Variants in ERCC6L observed in about 807,000 individuals in gnomAD.
ERCC6L encodes the protein ERCC excision repair 6 like, spindle assembly checkpoint helicase, also known as DNA excision repair protein ERCC-6-like.
In ERCC6L, 7 loss-of-function variants were observed where a neutral mutation model predicts 20.1. The observed-to-expected ratio is 0.35, with a 90% CI of 0.20 to 0.65. The LOEUF (loss-of-function observed/expected upper bound fraction) is 0.65. ERCC6L is among the 30% of genes least tolerant of loss of function. The pLI is 0.69. For synonymous variants in ERCC6L, 278 were observed against 331.3 expected (o/e 0.84, Z 1.75); for missense variants, 592 against 892.4 (o/e 0.66, Z 4.29).
chrX:72,228,102 G>A (rs748015772), intron 1 of ERCC6L, among the ~76,000 whole-genome samples: 20 of 111,889 alleles, frequency 1.8e-4, no homozygotes, highest in African/African-American at 5.2e-4. Context: ...CTAGCCAATC[G>A]GGACAAATAC....
intron 1 of ERCC6L, among the ~76,000 whole-genome samples, chrX:72,233,721 C>CAAAAAAAAAAAA (rs35310682): frequency 3.3e-5 from 3 of 89,703 alleles, no homozygotes; most frequent in Non-Finnish European, 2.1e-5. Flanking sequence ...GACTCCGTCT[C>CAAAAAAAAAAAA]AAAAAAAAAA....
At chrX:72,230,140 A>C (rs193051153) in intron 1 of ERCC6L, among the ~76,000 whole-genome samples, 131 of 109,389 alleles carry the variant, frequency 1.2e-3, no homozygotes, top group Non-Finnish European at 2.0e-3. Context: ...GCGCCACTGC[A>C]CTCTGCTCTG....
In ERCC6L at chrX:72,205,860, A is replaced by G; in HGVS notation, c.2907T>C (p.Ser969=). Residue 969 remains serine (S), a synonymous_variant, in exon 2 of 2, where the codon AGT becomes AGC. Coordinates refer to ENST00000334463, the MANE Select transcript of ERCC6L (RefSeq NM_017669.4). ...DSADNRQNFS[S]QSLEHVEKEN... ...CTTTCTCAACATGCTCTAAAGACTG[A>G]CTGGAAAAATTTTGTCTGTTGTCTG... 8.3e-7 allele frequency: 1 copy of G among 1,211,706 alleles called. No individual in the cohort carries two copies. Among genetic ancestry groups the G allele is most frequent in the Non-Finnish European group, 1.1e-6 (1 of 895,481 alleles).
At chrX:72,218,602 T>A (rs1426161405) in intron 1 of ERCC6L, among the ~76,000 whole-genome samples, 1 of 109,242 alleles carries the variant, frequency 9.2e-6, no homozygotes. Flanking sequence ...CAAGCGACTG[T>A]CCTGCCTCAA....
intron 1 of ERCC6L, among the ~76,000 whole-genome samples, chrX:72,224,719 T>A (rs2042944873): frequency 9.0e-6 from 1 of 111,457 alleles, no homozygotes; most frequent in South Asian, 3.7e-4. Context: ...TACTCCAGCC[T>A]GGGCAACAAG....
intron 1 of ERCC6L, among the ~76,000 whole-genome samples, chrX:72,226,527 A>C (rs777871482): frequency 2.7e-4 from 30 of 112,365 alleles, no homozygotes; most frequent in Non-Finnish European, 5.3e-4. Context: ...GAGCGGGGCT[A>C]TGTCACGGCT....
chrX:72,209,978 T>G (rs2042843363), intron 1 of ERCC6L, among the ~76,000 whole-genome samples: 1 of 109,069 alleles, frequency 9.2e-6, no homozygotes, highest in Non-Finnish European at 1.9e-5. Context: ...CCTACAAAAC[T>G]TAGGAAAAAA....
intron 1 of ERCC6L, among the ~76,000 whole-genome samples, chrX:72,231,859 A>G: frequency 8.9e-6 from 1 of 111,994 alleles, no homozygotes; most frequent in Admixed American, 9.5e-5. Context: ...TCATTTCACA[A>G]TGTATACGTG....
intron 1 of ERCC6L, among the ~76,000 whole-genome samples, chrX:72,224,669 C>T (rs546098324): frequency 3.6e-5 from 4 of 111,098 alleles, no homozygotes; most frequent in South Asian, 3.8e-4. Context: ...TGCTTGAATC[C>T]GGGAGGTGGA....
chrX:72,216,950 A>C (rs935301523), intron 1 of ERCC6L, among the ~76,000 whole-genome samples: 3 of 112,389 alleles, frequency 2.7e-5, no homozygotes, highest in Non-Finnish European at 5.6e-5. Context: ...AATGCTCCCC[A>C]AAAATAATAA....
chrX:72,226,545 T>C (rs1213693741), intron 1 of ERCC6L, among the ~76,000 whole-genome samples: 1 of 112,264 alleles, frequency 8.9e-6, no homozygotes, highest in Non-Finnish European at 1.9e-5. Flanking sequence ...GCTAAGGGAT[T>C]TCCTATCATT....
chrX:72,227,428 G>A (rs747650821), intron 1 of ERCC6L, among the ~76,000 whole-genome samples: 10 of 111,838 alleles, frequency 8.9e-5, no homozygotes, highest in African/African-American at 3.2e-4. Context: ...CTTAAAGACT[G>A]GGTTACACTT....
chrX:72,216,967 T>C (rs962107458), intron 1 of ERCC6L, among the ~76,000 whole-genome samples: 8 of 112,493 alleles, frequency 7.1e-5, no homozygotes, highest in African/African-American at 2.6e-4. Flanking sequence ...ATAAAACTTC[T>C]TTCTGCTGAG....
Position 72,208,436 on chromosome X carries a change from A to G in ERCC6L, c.331T>C (p.Tyr111His), listed in dbSNP as rs746914949. ...ATACCACCTTTTCTTCCATCCCTATACAGGCTATAGAGGAAAGCTATGCCT... is the reference window on the plus strand; with the variant it reads ...ATACCACCTTTTCTTCCATCCCTATGCAGGCTATAGAGGAAAGCTATGCCT... ...KEGIAFLYSL[Y>H]RDGRKGGILA... The change falls in exon 2 of 2, where the codon TAT becomes CAT. Residue 111 changes from tyrosine to histidine, a missense_variant. By Grantham distance (83) the Tyr-to-His change is moderately conservative (BLOSUM62 2). Around this residue, in one of 3 missense-constraint regions of ERCC6L, gnomAD observed 196 missense variants for 440.1 expected, o/e 0.45. Transcript: ENST00000334463. 8.3e-7 allele frequency: 1 copy of G among 1,211,703 alleles called. No homozygotes were observed. Among genetic ancestry groups the G allele is most frequent in the Non-Finnish European group, 1.1e-6 (1 of 895,475 alleles).
Position 72,208,437 on chromosome X carries a change from C to T in ERCC6L, c.330G>A (p.Leu110=). Residue 110 remains leucine, a synonymous_variant, in exon 2 of 2, where the codon CTG becomes CTA. Transcript: ENST00000334463. ...QKEGIAFLYS[L]YRDGRKGGIL... The stretch of plus-strand genomic sequence containing the variant: ...TACCACCTTTTCTTCCATCCCTATA[C>T]AGGCTATAGAGGAAAGCTATGCCTT... The T allele has an allele frequency of 8.3e-7, 1 of 1,211,722 alleles. No homozygotes were observed. Among genetic ancestry groups the T allele is most frequent in the East Asian group, 3.0e-5 (1 of 33,838 alleles).
At chrX:72,216,226 A>G (rs999561996) in intron 1 of ERCC6L, among the ~76,000 whole-genome samples, 1 of 109,125 alleles carries the variant, frequency 9.2e-6, no homozygotes, top group African/African-American at 3.4e-5. Context: ...AGAATGCCAC[A>G]TGAAGATGGA....
chrX:72,227,319 T>C (rs1368808184), intron 1 of ERCC6L, among the ~76,000 whole-genome samples: 1 of 111,857 alleles, frequency 8.9e-6, no homozygotes, highest in Non-Finnish European at 1.9e-5. Context: ...ACATATCACC[T>C]GGAAGCTATA....
intron 1 of ERCC6L, among the ~76,000 whole-genome samples, chrX:72,218,180 G>C (rs1196641350): frequency 9.3e-6 from 1 of 108,039 alleles, no homozygotes; most frequent in Non-Finnish European, 1.9e-5. Context: ...TGAGGCAGGA[G>C]AATGGTGGGA....
rs1290427733 is a variant in ERCC6L at position 72,208,234 on chromosome X, C to T, written c.533G>A (p.Gly178Asp). The T allele has an allele frequency of 2.7e-5, 33 of 1,209,634 alleles. No homozygotes were observed. The highest frequency in any genetic ancestry group is 3.5e-5 in the Non-Finnish European group (31 of 895,112). ...TPGMRVKTFH[G>D]PSKDERTRNL... ...TCTGGTCCGTTCATCCTTGCTAGGA[C>T]CATGAAAGGTTTTGACTCTCATTCC... The change falls in exon 2 of 2, where the codon GGT becomes GAT. Residue 178 changes from glycine (G) to aspartate (D), a missense_variant. Coordinates refer to ENST00000334463, the MANE Select transcript of ERCC6L (RefSeq NM_017669.4).
Sources: gnomAD v4.1 joint callset for allele counts (sites outside exome capture counted in the v4.1 genomes callset) on GRCh38, gnomAD v4.1.1 for gene constraint, gnomAD v4.1.1 regional missense constraint, MANE v1.5 for transcripts, NCBI Gene and HGNC (gene_info 2026-07-23, HGNC 2026-07-21) for gene names.